MAGI1: variants seen among roughly 807,000 people sequenced by gnomAD.
The protein encoded by MAGI1 is membrane associated guanylate kinase, WW and PDZ domain containing 1.
In MAGI1, 58 loss-of-function variants were observed where a neutral mutation model predicts 139.9. That is an observed-to-expected ratio of 0.41 (90% confidence interval 0.34 to 0.52). The LOEUF (loss-of-function observed/expected upper bound fraction) is 0.52. Among genes scored for constraint, MAGI1 ranks in the 20% least tolerant of loss-of-function variants. The pLI, the probability that MAGI1 is intolerant of heterozygous loss-of-function variation, is 0.12. For synonymous variants in MAGI1, 812 were observed against 737.9 expected, an observed-to-expected ratio of 1.10 and a Z score of -1.63; for missense variants, 1,874 against 1,901.6, an observed-to-expected ratio of 0.99 and a Z score of 0.27.
chr3:65,996,026 C>A (rs993847167), intron 1 of MAGI1, among the ~76,000 whole-genome samples: 35 of 152,034 alleles, frequency 2.3e-4, no homozygotes, highest in Admixed American at 2.6e-4. Flanking sequence ...AAAACGGGAT[C>A]TTTTTCAGCT....
rs572086096 is a variant in MAGI1, at chr3:65,883,691, T to C, written c.313+154305A>G. 1.1e-3 allele frequency among the ~76,000 whole-genome samples: 164 copies of C among 152,356 alleles called. 1 individual carries two copies. The highest frequency in any genetic ancestry group is 3.9e-3 in the African/African-American group (161 of 41,588). ...AGTTGTGAGACAAATGACACCTTCCTGAATTGCCACTGCATTTCCCACTGT... is the reference window on the plus strand; with the variant it reads ...AGTTGTGAGACAAATGACACCTTCCCGAATTGCCACTGCATTTCCCACTGT... On this transcript the variant is annotated intron_variant, in intron 1 of 22. Coordinates refer to ENST00000402939, the MANE Select transcript of MAGI1 (RefSeq NM_001033057.2).
rs1404545 is a variant in MAGI1 at position 65,586,423 on chromosome 3, A to G, written c.430+35549T>C. ...GTAGAAAATAATTTTAGGAATGCTG[A>G]TTTTTAGGGGTGATAGTATTATTAT... On this transcript the variant is annotated intron_variant, in intron 2 of 22. Transcript: ENST00000402939. Among the ~76,000 whole-genome samples, 3 of 152,026 alleles carry G rather than the reference A, an allele frequency of 2.0e-5. No individual in the cohort carries two copies. In the South Asian group the frequency reaches 6.2e-4, roughly 32 times the overall value.
chr3:65,893,559 A>T (rs1173760569), intron 1 of MAGI1, among the ~76,000 whole-genome samples: 1 of 152,212 alleles, frequency 6.6e-6, no homozygotes, highest in Non-Finnish European at 1.5e-5. Flanking sequence ...AGAAGTCCAG[A>T]GGGAATTACG....
intron 1 of MAGI1, among the ~76,000 whole-genome samples, chr3:65,800,604 C>T (rs1261413362): frequency 6.7e-6 from 1 of 150,312 alleles, no homozygotes; most frequent in Non-Finnish European, 1.5e-5. Flanking sequence ...AAGATATGAA[C>T]TCCCACCATG....
intron 12 of MAGI1, among the ~76,000 whole-genome samples, chr3:65,410,254 T>C (rs1254216493): frequency 6.6e-6 from 1 of 152,204 alleles, no homozygotes; most frequent in African/African-American, 2.4e-5. Context: ...GTTGAAAGCT[T>C]AGTGCAAAAA....
chr3:66,027,066 G>A (rs1443334482), intron 1 of MAGI1, among the ~76,000 whole-genome samples: 6 of 151,560 alleles, frequency 4.0e-5, no homozygotes, highest in South Asian at 2.1e-4. Context: ...TCAGGAGATC[G>A]AGATCATCCT....
At chr3:65,652,482 A>C (rs1048546507) in intron 1 of MAGI1, among the ~76,000 whole-genome samples, 1 of 152,178 alleles carries the variant, frequency 6.6e-6, no homozygotes, top group African/African-American at 2.4e-5. Context: ...ACCACATGCC[A>C]GTACTTATTC....
chr3:65,809,338 G>A (rs546031801), intron 1 of MAGI1, among the ~76,000 whole-genome samples: 1 of 152,038 alleles, frequency 6.6e-6, no homozygotes, highest in African/African-American at 2.4e-5. Context: ...CATTTCCAAG[G>A]GGAAGCTGAA....
intron 12 of MAGI1, among the ~76,000 whole-genome samples, chr3:65,412,815 G>T (rs1575655552): frequency 1.3e-5 from 2 of 152,238 alleles, no homozygotes; most frequent in South Asian, 2.1e-4. Context: ...AGAGAACAAG[G>T]TTCCGCTGTG....
rs919044186 is a variant in MAGI1, at chr3:65,601,262, G to A, written c.430+20710C>T. On this transcript the variant is annotated intron_variant, in intron 2 of 22. Transcript: ENST00000402939. ...CATGGGGTCAGAAAGGGGTTTTATA[G>A]TTTGTTTGTTTTTTTAATAGAAATG... Among the ~76,000 whole-genome samples, 6 of 152,102 alleles carry A rather than the reference G, an allele frequency of 3.9e-5. No homozygotes were observed. The East Asian group carries it at 1.2e-3, about 29-fold the overall frequency.
At chr3:65,455,566 T>C (rs1182650805) in intron 5 of MAGI1, among the ~76,000 whole-genome samples, 1 of 151,784 alleles carries the variant, frequency 6.6e-6, no homozygotes, top group Non-Finnish European at 1.5e-5. Context: ...ACAAAAAAAT[T>C]AGCCAGGTGT....
intron 1 of MAGI1, among the ~76,000 whole-genome samples, chr3:65,959,644 T>C (rs1476929887): frequency 2.1e-5 from 3 of 143,850 alleles, no homozygotes; most frequent in East Asian, 2.0e-4. Flanking sequence ...ATTATTATTA[T>C]TATTGAGACA....
At chr3:65,627,140 C>T (rs2084012238) in intron 1 of MAGI1, among the ~76,000 whole-genome samples, 1 of 152,162 alleles carries the variant, frequency 6.6e-6, no homozygotes, top group Non-Finnish European at 1.5e-5. Flanking sequence ...TGTTTAGATA[C>T]ACAAATACTT....
intron 1 of MAGI1, among the ~76,000 whole-genome samples, chr3:65,661,800 T>C (rs1231810938): frequency 1.1e-4 from 15 of 135,084 alleles, no homozygotes; most frequent in African/African-American, 3.3e-4. Context: ...CAGACTGGAG[T>C]GCAGTGGCGA....
intron 2 of MAGI1, among the ~76,000 whole-genome samples, chr3:65,562,925 G>T (rs2080430748): frequency 6.6e-6 from 1 of 152,140 alleles, no homozygotes; most frequent in South Asian, 2.1e-4. Flanking sequence ...TAGGTTCCCT[G>T]TTTGGGATCT....
At position 65,530,702 on chromosome 3, in the gene MAGI1, C is replaced by T. The variant is rs867024936; in HGVS notation, c.431-37071G>A. On this transcript the variant is annotated intron_variant, in intron 2 of 22. Coordinates refer to ENST00000402939, the MANE Select transcript of MAGI1 (RefSeq NM_001033057.2). Reference sequence around the variant, plus strand: ...ATATATATACGTGTATATATATACACATATACACGTGTATATATATACACA... The same window carrying T: ...ATATATATACGTGTATATATATACATATATACACGTGTATATATATACACA... Among the ~76,000 whole-genome samples, 240 of 118,558 alleles carry T rather than the reference C, an allele frequency of 2.0e-3. 8 individuals carry two copies. The highest frequency in any genetic ancestry group is 8.1e-3 in the African/African-American group (224 of 27,664). 77.8% of individuals were successfully genotyped at this position (118,558 alleles called of 152,430 possible).
At chr3:65,431,614 C>A (rs531584233) in intron 10 of MAGI1, among the ~76,000 whole-genome samples, 1 of 151,776 alleles carries the variant, frequency 6.6e-6, no homozygotes, top group South Asian at 2.1e-4. Context: ...ACCCCCCCCA[C>A]AACACACACA....
chr3:65,610,796 T>C (rs368731681), intron 2 of MAGI1, among the ~76,000 whole-genome samples: 9 of 93,506 alleles, frequency 9.6e-5, no homozygotes, highest in African/African-American at 3.0e-4. Context: ...GTATATATAG[T>C]ATATATAGGT....
chr3:65,694,443 A>T (rs2088964512), intron 1 of MAGI1, among the ~76,000 whole-genome samples: 1 of 151,888 alleles, frequency 6.6e-6, no homozygotes, highest in Admixed American at 6.6e-5. Context: ...GTAAGTGCTA[A>T]AAAAAATATG....
Sources: allele counts gnomAD v4.1 joint callset (sites outside exome capture counted in the v4.1 genomes callset), GRCh38; gene constraint gnomAD v4.1.1; transcripts MANE v1.5; gene names NCBI Gene and HGNC (gene_info 2026-07-23, HGNC 2026-07-21).